RPTOR: variants seen among roughly 807,000 people sequenced by gnomAD.
The protein encoded by RPTOR is regulatory-associated protein of mTOR.
In RPTOR, 21 loss-of-function variants were observed where a neutral mutation model predicts 169.9. The observed-to-expected ratio is 0.12, with a 90% confidence interval of 0.09 to 0.18. The LOEUF (loss-of-function observed/expected upper bound fraction) is 0.18. Ranked by LOEUF, RPTOR falls within the 10% of genes least tolerant of loss-of-function variation. The pLI is 1.00. For missense variants in RPTOR, 1,133 were observed against 1,855.9 expected, an observed-to-expected ratio of 0.61 and a Z score of 7.16; for synonymous variants, 732 against 753.2, an observed-to-expected ratio of 0.97 and a Z score of 0.46.
In RPTOR at chr17:80,959,864, G is replaced by A. The variant is rs796425720; in HGVS notation, c.3478-214G>A. On this transcript the variant is annotated intron_variant, in intron 29 of 33. Transcript: ENST00000306801. This position sits in a 1 kb window ranked among gnomAD's most constrained non-coding sequence, Gnocchi z 6.7. ...CCCTCCAGGGCCAAGGGATAAGGGC[G>A]TGACTCATTGTCCTGCCAGCCCCTG... Among the ~76,000 whole-genome samples, 14 of 152,170 alleles carry A rather than the reference G, an allele frequency of 9.2e-5. No homozygotes were observed. Among genetic ancestry groups the A allele is most frequent in the African/African-American group, 1.4e-4 (6 of 41,444 alleles).
chr17:80,578,215 TG>T (rs945925597), intron 1 of RPTOR, among the ~76,000 whole-genome samples: 1 of 151,894 alleles, frequency 6.6e-6, no homozygotes, highest in Non-Finnish European at 1.5e-5. Context: ...AGTGAGTGGT[TG>T]GGGGGGTGGT....
chr17:80,938,787 A>G (rs1393604834), intron 24 of RPTOR, among the ~76,000 whole-genome samples: 6 of 152,196 alleles, frequency 3.9e-5, no homozygotes, highest in African/African-American at 1.4e-4. Flanking sequence ...ACCCATGAGC[A>G]CGGGGTCAGA....
intron 1 of RPTOR, among the ~76,000 whole-genome samples, chr17:80,566,438 CATAA>C (rs1385608945): frequency 6.6e-6 from 1 of 152,012 alleles, no homozygotes; most frequent in East Asian, 1.9e-4. Flanking sequence ...TATATGTACA[CATAA>C]ATAAAATAAT....
chr17:80,840,863 G>A (rs1318500446), intron 10 of RPTOR, among the ~76,000 whole-genome samples: 9 of 107,978 alleles, frequency 8.3e-5, no homozygotes, highest in Middle Eastern at 6.7e-3. Flanking sequence ...CTCACCACAC[G>A]GCAGCTCACT....
chr17:80,782,420 A>G (rs1009207678), intron 6 of RPTOR, among the ~76,000 whole-genome samples: 7 of 152,016 alleles, frequency 4.6e-5, no homozygotes, highest in Admixed American at 6.6e-5. Flanking sequence ...TAAAGAACTG[A>G]GTTTTATGGG....
intron 4 of RPTOR, among the ~76,000 whole-genome samples, chr17:80,713,335 C>G (rs2066212110): frequency 6.6e-6 from 1 of 152,174 alleles, no homozygotes; most frequent in African/African-American, 2.4e-5. Flanking sequence ...CATGAGCCAC[C>G]ACACCCGGCC....
intron 6 of RPTOR, among the ~76,000 whole-genome samples, chr17:80,784,021 G>A (rs2066966797): frequency 6.6e-6 from 1 of 152,158 alleles, no homozygotes; most frequent in South Asian, 2.1e-4. Flanking sequence ...CTGTCACCCA[G>A]GCTAGAGTGC....
At chr17:80,636,358 G>C (rs1232817324) in intron 2 of RPTOR, among the ~76,000 whole-genome samples, 1 of 152,142 alleles carries the variant, frequency 6.6e-6, no homozygotes, top group African/African-American at 2.4e-5. Flanking sequence ...TTAGTCTGTT[G>C]TTGCTGCTGT....
intron 1 of RPTOR, among the ~76,000 whole-genome samples, chr17:80,617,471 A>C (rs981027866): frequency 3.3e-5 from 5 of 152,214 alleles, no homozygotes; most frequent in African/African-American, 7.2e-5. Flanking sequence ...TGTTTAATAT[A>C]CGCCATTTAA....
chr17:80,600,245 A>G (rs1273698918), intron 1 of RPTOR, among the ~76,000 whole-genome samples: 1 of 152,094 alleles, frequency 6.6e-6, no homozygotes, highest in Non-Finnish European at 1.5e-5. Flanking sequence ...TGGCTTGTCT[A>G]ATGGAGGAGA....
chr17:80,917,261 C>A (rs556277398), intron 21 of RPTOR, among the ~76,000 whole-genome samples: 3 of 151,684 alleles, frequency 2.0e-5, no homozygotes, highest in African/African-American at 7.3e-5. Context: ...TACAGGCACG[C>A]GCTACCATGC....
rs1354814406 is a variant in RPTOR at position 80,562,684 on chromosome 17, T to C, written c.162+16893T>C. 6.6e-6 allele frequency among the ~76,000 whole-genome samples: 1 copy of C among 152,182 alleles called. No homozygotes were observed. The stretch of plus-strand genomic sequence containing the variant: ...CTGTAATCCCAGCTACTAAGGAGGC[T>C]GAGGCAGGAGAATCGCTTGAACCTG... On this transcript the variant is annotated intron_variant, in intron 1 of 33. Coordinates refer to ENST00000306801, the MANE Select transcript of RPTOR (RefSeq NM_020761.3). This position sits in a 1 kb window ranked among gnomAD's most constrained non-coding sequence, Gnocchi z 4.4.
At chr17:80,561,241 A>T (rs1363384242) in intron 1 of RPTOR, among the ~76,000 whole-genome samples, 2 of 70,084 alleles carry the variant, frequency 2.9e-5, no homozygotes. Context: ...CGGCTAATTT[A>T]TATATATATG....
At chr17:80,828,033 A>G (rs1598334937) in intron 9 of RPTOR, among the ~76,000 whole-genome samples, 1 of 152,156 alleles carries the variant, frequency 6.6e-6, no homozygotes, top group Non-Finnish European at 1.5e-5. Flanking sequence ...ATGTACGTGC[A>G]TGAGCTTCTG....
At chr17:80,665,709 TA>T (rs1212631342) in intron 3 of RPTOR, among the ~76,000 whole-genome samples, 26 of 151,710 alleles carry the variant, frequency 1.7e-4, no homozygotes, top group African/African-American at 6.1e-4. Context: ...CATGCCCGGC[TA>T]ATTTTTTTGT....
At chr17:80,855,877 C>T (rs1168209684) in intron 12 of RPTOR, among the ~76,000 whole-genome samples, 3 of 152,218 alleles carry the variant, frequency 2.0e-5, no homozygotes, top group Non-Finnish European at 4.4e-5. Context: ...CAGGGCGCCC[C>T]TGAGCCTGAC....
At chr17:80,610,644 T>A (rs922181435) in intron 1 of RPTOR, among the ~76,000 whole-genome samples, 2 of 152,048 alleles carry the variant, frequency 1.3e-5, no homozygotes, top group Non-Finnish European at 2.9e-5. Flanking sequence ...AAGGGAAACT[T>A]CCTGATGTGA....
At chr17:80,784,972 C>G (rs1374874518) in intron 6 of RPTOR, among the ~76,000 whole-genome samples, 1 of 152,122 alleles carries the variant, frequency 6.6e-6, no homozygotes, top group Admixed American at 6.5e-5. Flanking sequence ...GTGATCCACC[C>G]GCCTTGGCCT....
rs539018579 is a variant in RPTOR, at chr17:80,845,461, T to G, written c.1213-1012T>G. Among the ~76,000 whole-genome samples, 1 of 152,228 alleles carries G rather than the reference T, an allele frequency of 6.6e-6. No individual in the cohort carries two copies. The highest frequency in any genetic ancestry group is 1.9e-4 in the East Asian group (1 of 5,166). On this transcript the variant is annotated intron_variant, in intron 10 of 33. Coordinates refer to ENST00000306801, the MANE Select transcript of RPTOR (RefSeq NM_020761.3). This position sits in a 1 kb window ranked among gnomAD's most constrained non-coding sequence, Gnocchi z 5.4. ...CAAGAAGCAGTCGCATGACCGCCTC[T>G]GCCGGGTCCTCCAGCCCTCCCCCTG...
Sources: gnomAD v4.1 joint callset for allele counts (sites outside exome capture counted in the v4.1 genomes callset) on GRCh38, gnomAD v4.1.1 for gene constraint, Gnocchi (gnomAD v3.1) non-coding constraint, MANE v1.5 for transcripts, NCBI Gene and HGNC (gene_info 2026-07-23, HGNC 2026-07-21) for gene names.